Variants in DLG2 observed in about 807,000 individuals in gnomAD.
The protein encoded by DLG2 is discs large MAGUK scaffold protein 2.
DLG2 carries 45 observed loss-of-function variants against 132.5 expected under a neutral mutation model. That is an observed-to-expected ratio of 0.34 (90% CI 0.27 to 0.44). The LOEUF is 0.44. Among genes scored for constraint, DLG2 ranks in the 20% least tolerant of loss-of-function variants. The pLI is 1.00. For synonymous variants in DLG2, 424 were observed against 419.6 expected, an observed-to-expected ratio of 1.01 and a Z score of -0.13; for missense variants, 1,045 against 1,196.9, an observed-to-expected ratio of 0.87 and a Z score of 1.87.
At chr11:84,766,017 A>C (rs1194213271) in intron 6 of DLG2, among the ~76,000 whole-genome samples, 1 of 152,054 alleles carries the variant, frequency 6.6e-6, no homozygotes, top group Non-Finnish European at 1.5e-5. Flanking sequence ...GTTCACTTAC[A>C]TTCCCATAAT....
intron 6 of DLG2, among the ~76,000 whole-genome samples, chr11:84,966,149 G>C (rs1007799597): frequency 6.6e-6 from 1 of 151,756 alleles, no homozygotes; most frequent in Non-Finnish European, 1.5e-5. Flanking sequence ...ATCATAATTA[G>C]CTTAAAGCTG....
intron 15 of DLG2, among the ~76,000 whole-genome samples, chr11:83,911,835 A>G (rs1418513910): frequency 6.6e-6 from 1 of 152,146 alleles, no homozygotes; most frequent in African/African-American, 2.4e-5. Flanking sequence ...GCCTGTTACT[A>G]AAAGAAAAGC....
At chr11:84,769,045 G>T (rs1182974104) in intron 6 of DLG2, among the ~76,000 whole-genome samples, 1 of 152,134 alleles carries the variant, frequency 6.6e-6, no homozygotes, top group Non-Finnish European at 1.5e-5. Flanking sequence ...CTTCAGATGA[G>T]TAGGAATCAG....
intron 6 of DLG2, among the ~76,000 whole-genome samples, chr11:84,900,738 A>C (rs1590921958): frequency 6.6e-6 from 1 of 152,194 alleles, no homozygotes; most frequent in East Asian, 1.9e-4. Flanking sequence ...CACACATTTA[A>C]AAATGATCTT....
chr11:85,427,137 A>C (rs2090813899), intron 3 of DLG2, among the ~76,000 whole-genome samples: 1 of 152,232 alleles, frequency 6.6e-6, no homozygotes, highest in African/African-American at 2.4e-5. Context: ...TGAAAAGACC[A>C]AATCTACATC....
chr11:85,095,366 T>C (rs2069561005), intron 6 of DLG2, among the ~76,000 whole-genome samples: 1 of 152,202 alleles, frequency 6.6e-6, no homozygotes, highest in Non-Finnish European at 1.5e-5. Context: ...AAAGTGAAGG[T>C]GCAATAAAAT....
chr11:84,016,187 G>A (rs1156277387), intron 11 of DLG2, among the ~76,000 whole-genome samples: 2 of 152,032 alleles, frequency 1.3e-5, no homozygotes, highest in Non-Finnish European at 2.9e-5. Context: ...CTTCCTTTGA[G>A]AAATGTCTGC....
intron 18 of DLG2, among the ~76,000 whole-genome samples, chr11:83,698,644 A>G (rs903078169): frequency 6.6e-6 from 1 of 152,232 alleles, no homozygotes; most frequent in African/African-American, 2.4e-5. Flanking sequence ...AACAGGTATA[A>G]TAATTGTACT....
chr11:85,247,745 G>A lies in DLG2; in HGVS notation c.186+37475C>T, dbSNP rs560611188. On this transcript the variant is annotated intron_variant, in intron 4 of 27. Transcript: ENST00000376104. ...TCTGATTTTCTGACTTCAACAAAGA[G>A]ACTGAAGGCTTAGCTTGCTATCCTG... 3.9e-4 allele frequency among the ~76,000 whole-genome samples: 59 copies of A among 152,096 alleles called. 1 individual carries two copies. Among genetic ancestry groups the A allele is most frequent in the Admixed American group, 1.1e-3 (17 of 15,236 alleles).
Position 84,204,948 on chromosome 11 carries a change from C to A in DLG2, c.574-41437G>T, listed in dbSNP as rs192702575. 6.2e-4 allele frequency among the ~76,000 whole-genome samples: 94 copies of A among 152,292 alleles called. 2 individuals carry two copies. The South Asian group carries it at 0.017, about 28-fold the overall frequency. ...TGAACTCCTGACCTCAGGTGATACA[C>A]CCGCCTCAGCCTCCCAAAGTGCTGG... is the stretch of plus-strand genomic sequence containing the variant. On this transcript the variant is annotated intron_variant, in intron 8 of 27. Transcript: ENST00000376104.
At chr11:84,475,034 T>C (rs1446301472) in intron 7 of DLG2, among the ~76,000 whole-genome samples, 3 of 152,118 alleles carry the variant, frequency 2.0e-5, no homozygotes, top group African/African-American at 7.2e-5. Context: ...AATTTAAAAA[T>C]GACATTTGCT....
At chr11:84,457,473 C>T (rs1385071670) in intron 7 of DLG2, among the ~76,000 whole-genome samples, 1 of 151,016 alleles carries the variant, frequency 6.6e-6, no homozygotes, top group Admixed American at 6.6e-5. Flanking sequence ...TTACAAAGTG[C>T]TAAACTAAAT....
chr11:85,159,115 T>C (rs903430328), intron 4 of DLG2, among the ~76,000 whole-genome samples: 6 of 152,138 alleles, frequency 3.9e-5, no homozygotes, highest in African/African-American at 1.4e-4. Flanking sequence ...GAAAGGAAAA[T>C]GTTCAGACAG....
intron 17 of DLG2, among the ~76,000 whole-genome samples, chr11:83,822,798 A>C (rs2051219145): frequency 6.6e-6 from 1 of 152,010 alleles, no homozygotes; most frequent in African/African-American, 2.4e-5. Flanking sequence ...AGTTACCTGG[A>C]ACTGACGTCT....
intron 18 of DLG2, among the ~76,000 whole-genome samples, chr11:83,643,218 T>A (rs1365290936): frequency 6.6e-6 from 1 of 152,214 alleles, no homozygotes; most frequent in Non-Finnish European, 1.5e-5. Context: ...CTCTGAGATT[T>A]ATCTCAAAAG....
At chr11:85,396,719 G>C (rs933956073) in intron 3 of DLG2, among the ~76,000 whole-genome samples, 1 of 152,060 alleles carries the variant, frequency 6.6e-6, no homozygotes, top group Non-Finnish European at 1.5e-5. Context: ...GAGAAGAAAA[G>C]GTTAGAGAAA....
chr11:83,497,471 G>A (rs1222409725), intron 21 of DLG2, among the ~76,000 whole-genome samples: 1 of 151,268 alleles, frequency 6.6e-6, no homozygotes, highest in African/African-American at 2.4e-5. Context: ...AGAGGCAGAG[G>A]ATGCGGTGAG....
intron 6 of DLG2, among the ~76,000 whole-genome samples, chr11:85,027,197 T>C (rs2154142905): frequency 6.8e-6 from 1 of 147,406 alleles, no homozygotes; most frequent in South Asian, 2.2e-4. Flanking sequence ...TTTTTTTTTT[T>C]TTTTTGCTGA....
intron 7 of DLG2, among the ~76,000 whole-genome samples, chr11:84,502,302 CTTTCTTTCTTTCTTTCTTT>C (rs2099216994): frequency 4.2e-4 from 1 of 2,398 alleles, no homozygotes; most frequent in Non-Finnish European, 7.2e-4. Context: ...TTCTTTCTTT[CTTTCTTTCTTTCTTTCTTT>C]CTTTCTTTCT....
Sources: gnomAD v4.1 joint callset for allele counts (sites outside exome capture counted in the v4.1 genomes callset) on GRCh38, gnomAD v4.1.1 for gene constraint, MANE v1.5 for transcripts, NCBI Gene and HGNC (gene_info 2026-07-23, HGNC 2026-07-21) for gene names.